PCDH15: variants seen among roughly 807,000 people sequenced by gnomAD.
The protein encoded by PCDH15 is protocadherin-15.
Under a neutral mutation model 178.5 loss-of-function variants are expected in PCDH15, and 129 were observed. The observed-to-expected ratio is 0.72, with a 90% CI of 0.63 to 0.84. The LOEUF (loss-of-function observed/expected upper bound fraction) is 0.84. Ranked by LOEUF, PCDH15 falls within the 40% of genes least tolerant of loss-of-function variation. The pLI is 0.00. For synonymous variants in PCDH15, 800 were observed against 732.0 expected, an observed-to-expected ratio of 1.09 and a Z score of -1.50; for missense variants, 2,230 against 2,099.9, an observed-to-expected ratio of 1.06 and a Z score of -1.21.
intron 1 of PCDH15, among the ~76,000 whole-genome samples, chr10:55,250,534 CTTT>C (rs777000807): frequency 2.8e-5 from 3 of 107,986 alleles, no homozygotes; most frequent in Admixed American, 1.0e-4. Flanking sequence ...TAAATAAATT[CTTT>C]TTTTTTTTTT....
chr10:54,288,986 T>C (rs1027857188), intron 8 of PCDH15, among the ~76,000 whole-genome samples: 4 of 152,238 alleles, frequency 2.6e-5, no homozygotes, highest in Non-Finnish European at 1.5e-5. Flanking sequence ...TAAAAATCCC[T>C]GTCTGACGCT....
At chr10:54,784,361 G>C (rs931614899) in intron 1 of PCDH15, among the ~76,000 whole-genome samples, 1 of 150,642 alleles carries the variant, frequency 6.6e-6, no homozygotes. Flanking sequence ...CAAGAGAAAA[G>C]TGTTGTCACA....
chr10:55,346,966 G>C (rs867618329), intron 2 of PCDH15, among the ~76,000 whole-genome samples: 4 of 152,026 alleles, frequency 2.6e-5, no homozygotes, highest in African/African-American at 9.7e-5. Flanking sequence ...TGTAATCCCA[G>C]CACTTTGGGG....
At chr10:55,185,759 T>TTCAAAACAA (rs1189899928) in intron 1 of PCDH15, among the ~76,000 whole-genome samples, 2 of 151,714 alleles carry the variant, frequency 1.3e-5, no homozygotes, top group Non-Finnish European at 1.5e-5. Flanking sequence ...TGACAAAACA[T>TTCAAAACAA]TCAAAACAAT....
intron 21 of PCDH15, chr10:53,994,438 G>C (rs2091720395): frequency 6.6e-6 from 1 of 151,938 alleles, no homozygotes; most frequent in South Asian, 2.1e-4. Flanking sequence ...TCAGTTTCTT[G>C]AGAGCAAAAA....
At chr10:55,311,459 C>T (rs1004946076) in intron 1 of PCDH15, among the ~76,000 whole-genome samples, 20 of 152,144 alleles carry the variant, frequency 1.3e-4, no homozygotes, top group African/African-American at 4.1e-4. Context: ...TCTATCTTCC[C>T]GCTGTATCAC....
intron 5 of PCDH15, among the ~76,000 whole-genome samples, chr10:54,353,968 CTTAT>C (rs532179301): frequency 9.8e-4 from 149 of 152,076 alleles, no homozygotes; most frequent in African/African-American, 3.3e-3. Context: ...TACATATGAG[CTTAT>C]TTATTTATTT....
At chr10:54,079,075 C>T (rs978514047) in intron 17 of PCDH15, among the ~76,000 whole-genome samples, 4 of 152,170 alleles carry the variant, frequency 2.6e-5, no homozygotes, top group African/African-American at 7.2e-5. Context: ...AAGTAGATTT[C>T]ATTTTCCCTA....
intron 2 of PCDH15, among the ~76,000 whole-genome samples, chr10:55,411,750 C>T (rs1838338420): frequency 1.3e-5 from 2 of 152,056 alleles, no homozygotes; most frequent in Non-Finnish European, 1.5e-5. Context: ...AAAGAGAAAG[C>T]AGTAAATTGT....
At chr10:53,889,473 A>G (rs894418103) in intron 26 of PCDH15, among the ~76,000 whole-genome samples, 1 of 152,152 alleles carries the variant, frequency 6.6e-6, no homozygotes, top group Non-Finnish European at 1.5e-5. Flanking sequence ...ACATTTGACT[A>G]TCTTAACTAC....
chr10:55,527,645 T>C (rs1841331031), intron 2 of PCDH15, among the ~76,000 whole-genome samples: 1 of 151,842 alleles, frequency 6.6e-6, no homozygotes, highest in African/African-American at 2.4e-5. Context: ...GTTTTCTTTC[T>C]TATTAAGTCA....
At position 54,527,892 on chromosome 10, in the gene PCDH15, T is replaced by C; in HGVS notation, c.92-15A>G. The C allele has an allele frequency of 1.3e-6, 2 of 1,594,684 alleles. No homozygotes were observed. The highest frequency in any genetic ancestry group is 1.7e-6 in the Non-Finnish European group (2 of 1,162,962). On this transcript the variant is annotated splice_polypyrimidine_tract_variant and intron_variant, in intron 2 of 37. Transcript: ENST00000644397. Reference sequence around the variant, plus strand: ...TAGTTTGCAATCTAAAGAGAGAAAATAACCAAAAGTAATAATTGACTGCAG... The same window carrying C: ...TAGTTTGCAATCTAAAGAGAGAAAACAACCAAAAGTAATAATTGACTGCAG...
intron 3 of PCDH15, among the ~76,000 whole-genome samples, chr10:54,510,091 T>C (rs1217968807): frequency 6.6e-6 from 1 of 152,202 alleles, no homozygotes; most frequent in Non-Finnish European, 1.5e-5. Context: ...TGCTCCTTGT[T>C]CCATTGGTTG....
intron 1 of PCDH15, among the ~76,000 whole-genome samples, chr10:54,756,988 C>T (rs1947218383): frequency 1.1e-5 from 1 of 90,808 alleles, no homozygotes; most frequent in African/African-American, 4.2e-5. Flanking sequence ...ACAGAGGATG[C>T]TTGGCTTTAT....
chr10:55,615,479 T>TATTA (rs1564484961), intron 2 of PCDH15, among the ~76,000 whole-genome samples: 1 of 152,220 alleles, frequency 6.6e-6, no homozygotes, highest in South Asian at 2.1e-4. Context: ...GGATAATTTA[T>TATTA]ATTACTGCAA....
chr10:55,611,756 G>A (rs570900029), intron 2 of PCDH15, among the ~76,000 whole-genome samples: 11 of 152,072 alleles, frequency 7.2e-5, no homozygotes, highest in Admixed American at 2.0e-4. Flanking sequence ...AACAATCTAA[G>A]TGCATATCAA....
At chr10:54,993,979 C>T (rs534367528) in intron 2 of PCDH15, among the ~76,000 whole-genome samples, 7 of 152,242 alleles carry the variant, frequency 4.6e-5, no homozygotes, top group African/African-American at 1.7e-4. Flanking sequence ...CACCTGAAAT[C>T]TAACCAGACT....
At chr10:55,173,831 T>C (rs1183809058) in intron 1 of PCDH15, among the ~76,000 whole-genome samples, 5 of 152,118 alleles carry the variant, frequency 3.3e-5, no homozygotes, top group Non-Finnish European at 7.4e-5. Flanking sequence ...TTAGTACAGA[T>C]TTTTTGATGT....
At chr10:54,226,214 G>A (rs887472779) in intron 9 of PCDH15, among the ~76,000 whole-genome samples, 1 of 152,182 alleles carries the variant, frequency 6.6e-6, no homozygotes, top group African/African-American at 2.4e-5. Context: ...TGGAAGGCAA[G>A]GAAAAGCACG....
Sources: gnomAD v4.1 joint callset for allele counts (sites outside exome capture counted in the v4.1 genomes callset) on GRCh38, gnomAD v4.1.1 for gene constraint, MANE v1.5 for transcripts, NCBI Gene and HGNC (gene_info 2026-07-23, HGNC 2026-07-21) for gene names.